The following PCDHA2 variants were observed in gnomAD, a reference collection of about 807,000 sequenced individuals.
The protein encoded by PCDHA2 is protocadherin alpha-2.
Under a neutral mutation model 66.0 loss-of-function variants are expected in PCDHA2, and 58 were observed. The ratio of observed to expected loss-of-function variants is 0.88; its 90% CI spans 0.71 to 1.09. PCDHA2 has a LOEUF of 1.09. Ranked by LOEUF, PCDHA2 falls within the 50% of genes least tolerant of loss-of-function variation. The probability of loss-of-function intolerance (pLI) is 0.00; values close to 1 mark genes in which losing one functional copy is unlikely to be tolerated. For synonymous variants in PCDHA2, 634 were observed against 554.0 expected, an observed-to-expected ratio of 1.14 and a Z score of -2.03; for missense variants, 1,267 against 1,242.3, an observed-to-expected ratio of 1.02 and a Z score of -0.30.
intron 1 of PCDHA2, chr5:140,863,589 T>C: frequency 2.8e-6 from 1 of 359,456 alleles, no homozygotes; most frequent in Admixed American, 3.7e-5. Flanking sequence ...TCCTGGAAAG[T>C]ATTTCATTCC....
At chr5:140,829,647 C>T (rs2150172016) in intron 1 of PCDHA2, 2 of 1,612,324 alleles carry the variant, frequency 1.2e-6, no homozygotes, top group East Asian at 4.5e-5. Context: ...AAGGTGTACG[C>T]GCTGCAGCCG....
At chr5:140,834,566 G>C in intron 1 of PCDHA2, 1 of 1,614,096 alleles carries the variant, frequency 6.2e-7, no homozygotes, top group Non-Finnish European at 8.5e-7. Flanking sequence ...AGCTGGTGCC[G>C]CGCCTGTTCC....
At chr5:140,804,626 C>G (rs1291437909) in intron 1 of PCDHA2, 1 of 153,262 alleles carries the variant, frequency 6.5e-6, no homozygotes, top group Non-Finnish European at 1.5e-5. Context: ...GTTAACTTCT[C>G]TGAATAGCAT....
At chr5:140,865,274 A>G (rs1465243720) in intron 1 of PCDHA2, 5 of 152,220 alleles carry the variant, frequency 3.3e-5, no homozygotes, top group African/African-American at 1.2e-4. Flanking sequence ...AATTATATGT[A>G]AAATTACTTT....
intron 1 of PCDHA2, chr5:140,828,687 C>T: frequency 6.2e-7 from 1 of 1,614,206 alleles, no homozygotes; most frequent in Non-Finnish European, 8.5e-7. Context: ...TTAAAGAAAT[C>T]CTTGGACAGA....
At chr5:140,930,084 A>G (rs1350674790) in intron 1 of PCDHA2, 1 of 152,142 alleles carries the variant, frequency 6.6e-6, no homozygotes, top group Non-Finnish European at 1.5e-5. Flanking sequence ...CTCTCATAAC[A>G]TCTATTTATA....
intron 1 of PCDHA2, among the ~76,000 whole-genome samples, chr5:140,971,368 G>A (rs1433220574): frequency 1.3e-5 from 2 of 152,186 alleles, no homozygotes; most frequent in Non-Finnish European, 2.9e-5. Context: ...TGCCAGGAGA[G>A]TGCATGACTT....
intron 1 of PCDHA2, among the ~76,000 whole-genome samples, chr5:140,893,592 C>G (rs2064074430): frequency 6.6e-6 from 1 of 152,154 alleles, no homozygotes; most frequent in Non-Finnish European, 1.5e-5. Flanking sequence ...TTGGGAAATA[C>G]TTTATTTCTC....
chr5:140,929,246 C>T, intron 1 of PCDHA2: 1 of 1,613,738 alleles, frequency 6.2e-7, no homozygotes, highest in Non-Finnish European at 8.5e-7. Context: ...AATCTTGCCA[C>T]TGGGGTAGGA....
chr5:140,933,032 G>A (rs1425582468), intron 1 of PCDHA2, among the ~76,000 whole-genome samples: 1 of 152,016 alleles, frequency 6.6e-6, no homozygotes, highest in Non-Finnish European at 1.5e-5. Flanking sequence ...AGAACTTCAA[G>A]TGAATATGGA....
chr5:140,843,914 A>C, intron 1 of PCDHA2: 1 of 621,414 alleles, frequency 1.6e-6, no homozygotes, highest in Non-Finnish European at 2.8e-6. Flanking sequence ...AGTTGGGTCT[A>C]TCTTGAAACT....
rs1554140287 is a variant in PCDHA2 at position 140,843,629 on chromosome 5, A to T, written c.2388+46277A>T. ...TGAGGGGCCACCGAAGACGGACCTC[A>T]TGGCCTTCAGCCCCTGCCTTCCTCC... is the stretch of plus-strand genomic sequence containing the variant. On this transcript the variant is annotated intron_variant, in intron 1 of 3. Transcript: ENST00000526136. 3.1e-6 allele frequency: 5 copies of T among 1,595,972 alleles called. No homozygotes were observed. The East Asian group carries it at 8.9e-5, about 28-fold the overall frequency.
chr5:140,870,892 G>T, intron 1 of PCDHA2: 4 of 1,613,960 alleles, frequency 2.5e-6, no homozygotes, highest in Non-Finnish European at 3.4e-6. Flanking sequence ...GCGCGCAGTG[G>T]ATGCGGACTC....
chr5:141,006,504 C>T (rs911793343), intron 3 of PCDHA2, among the ~76,000 whole-genome samples: 4 of 152,022 alleles, frequency 2.6e-5, no homozygotes, highest in East Asian at 1.9e-4. Flanking sequence ...TGAGCCACCG[C>T]GCCTGGCTGT....
intron 1 of PCDHA2, chr5:140,929,155 C>G: frequency 6.2e-7 from 1 of 1,614,156 alleles, no homozygotes; most frequent in Non-Finnish European, 8.5e-7. Flanking sequence ...TCAGACTTAT[C>G]TCTATCGGGC....
At chr5:140,877,511 C>G in intron 1 of PCDHA2, 1 of 1,613,808 alleles carries the variant, frequency 6.2e-7, no homozygotes, top group South Asian at 1.1e-5. Context: ...AAGACGTCGT[C>G]GCGGGCCTCA....
chr5:140,919,733 AG>A (rs1426663186), intron 1 of PCDHA2, among the ~76,000 whole-genome samples: 1 of 152,194 alleles, frequency 6.6e-6, no homozygotes, highest in Admixed American at 6.5e-5. Flanking sequence ...TGTTACTTCT[AG>A]ATAGCTTTAT....
chr5:140,834,695 C>A (rs2150224453), intron 1 of PCDHA2: 1 of 1,614,120 alleles, frequency 6.2e-7, no homozygotes, highest in Non-Finnish European at 8.5e-7. Context: ...AGTGCAGCAT[C>A]CACCTGGAGG....
At chr5:140,810,122 T>G (rs1554125423) in intron 1 of PCDHA2, 1 of 152,484 alleles carries the variant, frequency 6.6e-6, no homozygotes, top group Non-Finnish European at 1.5e-5. Context: ...TTGTGTGTTA[T>G]TTGTATTTAT....
Sources: allele counts gnomAD v4.1 joint callset (sites outside exome capture counted in the v4.1 genomes callset), GRCh38; gene constraint gnomAD v4.1.1; transcripts MANE v1.5; gene names NCBI Gene and HGNC (gene_info 2026-07-23, HGNC 2026-07-21).